The following CRCP variants were observed in gnomAD, a reference collection of about 807,000 sequenced individuals.
The protein encoded by CRCP is DNA-directed RNA polymerase III subunit RPC9.
A neutral mutation model predicts 18.5 loss-of-function variants in CRCP; 18 were observed. The ratio of observed to expected loss-of-function variants is 0.97; its 90% confidence interval spans 0.67 to 1.44. CRCP has a LOEUF of 1.44. CRCP is among the 40% of genes most tolerant of loss of function. CRCP has a pLI of 0.00. For missense variants in CRCP, 130 were observed against 176.4 expected (o/e 0.74, Z 1.49); for synonymous variants, 53 against 62.9 (o/e 0.84, Z 0.75).
At chr7:66,119,735 T>C (rs1787375755) in intron 1 of CRCP, 1 of 152,238 alleles carries the variant, frequency 6.6e-6, no homozygotes, top group Non-Finnish European at 1.5e-5. Context: ...TCAACCAACT[T>C]GTCATATCTG....
At chr7:66,133,719 A>G (rs1787882055) in intron 3 of CRCP, among the ~76,000 whole-genome samples, 1 of 151,470 alleles carries the variant, frequency 6.6e-6, no homozygotes, top group Admixed American at 6.6e-5. Flanking sequence ...GAGATCAGAA[A>G]AGTTTTCTCC....
intron 3 of CRCP, 60 bp downstream of exon 3, chr7:66,130,902 TC>T: frequency 1.1e-6 from 1 of 905,462 alleles, no homozygotes; most frequent in East Asian, 2.4e-5. Context: ...GGGTTTATTC[TC>T]CCAATGACTG....
In CRCP at chr7:66,137,057, G is replaced by A. The variant is rs191131147; in HGVS notation, c.239+2683G>A. Among the ~76,000 whole-genome samples, 322 of 151,766 alleles carry A rather than the reference G, an allele frequency of 2.1e-3. 2 individuals carry two copies. The highest frequency in any genetic ancestry group is 7.6e-3 in the African/African-American group (315 of 41,380). On this transcript the variant is annotated intron_variant, in intron 4 of 5. Transcript: ENST00000395326. ...GATTGCGCCACTGCACTCCAGCCTGGCGACAGAGCGAGACTGTCTCAAAAA... is the reference window on the plus strand; with the variant it reads ...GATTGCGCCACTGCACTCCAGCCTGACGACAGAGCGAGACTGTCTCAAAAA...
chr7:66,122,113 C>T (rs1252131243), intron 1 of CRCP, among the ~76,000 whole-genome samples: 4 of 152,162 alleles, frequency 2.6e-5, no homozygotes, highest in South Asian at 2.1e-4. Flanking sequence ...CAGTGGCTCA[C>T]GCCTGTAATC....
At chr7:66,140,306 G>A (rs780864340) in intron 4 of CRCP, among the ~76,000 whole-genome samples, 25 of 152,036 alleles carry the variant, frequency 1.6e-4, no homozygotes, top group Admixed American at 8.5e-4. Context: ...CTCAGGTTTT[G>A]TTTCCCTCCC....
At chr7:66,146,068 G>A (rs752094896) in intron 5 of CRCP, among the ~76,000 whole-genome samples, 12 of 152,152 alleles carry the variant, frequency 7.9e-5, no homozygotes, top group Non-Finnish European at 1.6e-4. Context: ...CGTGTACTGC[G>A]TTGATTTCTG....
At chr7:66,128,345 A>G (rs756995565) in intron 2 of CRCP, among the ~76,000 whole-genome samples, 73 of 152,298 alleles carry the variant, frequency 4.8e-4, no homozygotes, top group Non-Finnish European at 9.6e-4. Context: ...TAGTCATAGG[A>G]TAGAAGCATC....
intron 1 of CRCP, chr7:66,126,535 T>C: frequency 6.4e-6 from 2 of 313,180 alleles, no homozygotes; most frequent in Middle Eastern, 4.0e-4. Flanking sequence ...TCTTGTGCTT[T>C]ATCTCTGCAG....
Position 66,134,912 on chromosome 7 carries a change from G to T in CRCP, c.239+538G>T, listed in dbSNP as rs144013009. Reference sequence around the variant, plus strand: ...TTTCATTATCCTTACCACTGAATAAGGATCATCTGCTAAACTCACAAGGCT... The same window carrying T: ...TTTCATTATCCTTACCACTGAATAATGATCATCTGCTAAACTCACAAGGCT... On this transcript the variant is annotated intron_variant, in intron 4 of 5. Transcript: ENST00000395326. Among the ~76,000 whole-genome samples the T allele has an allele frequency of 3.3e-5, 5 of 152,224 alleles. No individual in the cohort carries two copies. In the East Asian group the frequency reaches 9.6e-4, roughly 29 times the overall value.
In CRCP at chr7:66,152,373, C is replaced by T. The variant is rs1266023283; in HGVS notation, c.*16C>T. On this transcript the variant is annotated 3_prime_UTR_variant, in exon 6 of 6. Coordinates refer to ENST00000395326, the MANE Select transcript of CRCP (RefSeq NM_014478.5). The stretch of plus-strand genomic sequence containing the variant: ...CCCAGCATAGAAGAGCACAGCTGGC[C>T]CCGGCGTTTCATGAAGTCAGAAGGC... 13 of 1,612,778 alleles carry T rather than the reference C, an allele frequency of 8.1e-6. No individual in the cohort carries two copies. Among genetic ancestry groups the T allele is most frequent in the Admixed American group, 3.3e-5 (2 of 59,858 alleles).
intron 4 of CRCP, among the ~76,000 whole-genome samples, chr7:66,140,213 G>A (rs1276978526): frequency 2.0e-5 from 3 of 152,170 alleles, no homozygotes; most frequent in South Asian, 2.1e-4. Context: ...TGGGGCCACC[G>A]CAGCTGCACC....
intron 4 of CRCP, among the ~76,000 whole-genome samples, chr7:66,141,389 C>T (rs1384300282): frequency 1.3e-5 from 2 of 152,156 alleles, no homozygotes; most frequent in Non-Finnish European, 2.9e-5. Context: ...TGCCCGTCCC[C>T]GCCTCTGATC....
chr7:66,120,384 G>C (rs941522496), intron 1 of CRCP, among the ~76,000 whole-genome samples: 1 of 152,104 alleles, frequency 6.6e-6, no homozygotes, highest in Non-Finnish European at 1.5e-5. Context: ...TTTTGTTCTT[G>C]TAACAGCCTG....
At chr7:66,130,721 G>T (rs367600657) in intron 2 of CRCP, 23 bp from the exon 3 acceptor site, 2 of 1,388,184 alleles carry the variant, frequency 1.4e-6, no homozygotes, top group African/African-American at 1.4e-5. Flanking sequence ...ATTCATAAAC[G>T]TCTTTTTTGT....
At chr7:66,115,298 A>G (rs1160710998) in intron 1 of CRCP, among the ~76,000 whole-genome samples, 4 of 152,130 alleles carry the variant, frequency 2.6e-5, no homozygotes, top group African/African-American at 9.7e-5. Flanking sequence ...CCAGTCTGGT[A>G]TCCGACCCCG....
chr7:66,116,192 A>C (rs543540729), intron 1 of CRCP, among the ~76,000 whole-genome samples: 1 of 152,104 alleles, frequency 6.6e-6, no homozygotes, highest in African/African-American at 2.4e-5. Context: ...CATATTGTCT[A>C]TTTTTTATTA....
rs377742973 is a variant in CRCP, at chr7:66,129,286, T to C, written c.46-1458T>C. On this transcript the variant is annotated intron_variant, in intron 2 of 5. Coordinates refer to ENST00000395326, the MANE Select transcript of CRCP (RefSeq NM_014478.5). ...GGGTGGAGCCTGCAGTGAGCCAAGA[T>C]TGTGCCACTGCACTCCAGCCTGGGC... Among the ~76,000 whole-genome samples, 897 of 152,252 alleles carry C rather than the reference T, an allele frequency of 5.9e-3. 12 individuals are homozygous for C. The highest frequency in any genetic ancestry group is 0.02 in the African/African-American group (838 of 41,544).
Position 66,126,952 on chromosome 7 carries a change from TCCAGG to T in CRCP, c.9-748_9-744del, listed in dbSNP as rs774884002. On this transcript the variant is annotated intron_variant, in intron 1 of 5. Coordinates refer to ENST00000395326, the MANE Select transcript of CRCP (RefSeq NM_014478.5). ...AAGAATTCAGGAGCTGGATTTAGAATCCAGGCCATACTTTTAGATACTAGTTTCAT... is the reference window on the plus strand; with the variant it reads ...AAGAATTCAGGAGCTGGATTTAGAATCCATACTTTTAGATACTAGTTTCAT... Among the ~76,000 whole-genome samples the T allele has an allele frequency of 1.2e-4, 18 of 152,054 alleles. 2 individuals carry two copies. The highest frequency in any genetic ancestry group is 2.5e-4 in the Non-Finnish European group (17 of 68,004).
At chr7:66,136,379 T>C (rs1274748681) in intron 4 of CRCP, among the ~76,000 whole-genome samples, 4 of 152,156 alleles carry the variant, frequency 2.6e-5, no homozygotes, top group Non-Finnish European at 5.9e-5. Flanking sequence ...TACAGGCATC[T>C]GCCACCACAC....
Sources: allele counts gnomAD v4.1 joint callset (sites outside exome capture counted in the v4.1 genomes callset), GRCh38; gene constraint gnomAD v4.1.1; transcripts MANE v1.5; gene names NCBI Gene and HGNC (gene_info 2026-07-23, HGNC 2026-07-21).